The following SLC2A9 variants were observed in gnomAD, a reference collection of about 807,000 sequenced individuals.
SLC2A9 encodes the protein solute carrier family 2 member 9.
In SLC2A9, 39 loss-of-function variants were observed where a neutral mutation model predicts 50.6. That is an observed-to-expected ratio of 0.77 (90% confidence interval 0.60 to 1.01). The LOEUF (loss-of-function observed/expected upper bound fraction) is 1.01. Ranked by LOEUF, SLC2A9 falls within the 50% of genes least tolerant of loss-of-function variation. The pLI is 0.00. For missense variants in SLC2A9, 686 were observed against 677.6 expected (o/e 1.01, Z -0.14); for synonymous variants, 324 against 276.9 (o/e 1.17, Z -1.69).
chr4:9,774,144 C>A (rs1717206267), intron 1 of SLC2A9, among the ~76,000 whole-genome samples: 1 of 152,064 alleles, frequency 6.6e-6, no homozygotes. Flanking sequence ...CAGGTGTCTG[C>A]CACCTCACCC....
downstream of SLC2A9, among the ~76,000 whole-genome samples, chr4:9,798,283 A>G (rs540646576): frequency 4.6e-5 from 7 of 152,340 alleles, no homozygotes; most frequent in African/African-American, 1.4e-4. Flanking sequence ...ACTGGCTCCA[A>G]TCATTAAGCT....
chr4:10,036,286 C>G (rs1447348129), intron 1 of SLC2A9: 1 of 152,142 alleles, frequency 6.6e-6, no homozygotes, highest in Non-Finnish European at 1.5e-5. Context: ...TTCCGTAAAC[C>G]TGAGCCTCAG....
chr4:9,980,754 T>G lies in SLC2A9; in HGVS notation c.536-17A>C. The G allele has an allele frequency of 1.2e-6, 2 of 1,614,162 alleles. No homozygotes were observed. Among genetic ancestry groups the G allele is most frequent in the Non-Finnish European group, 1.7e-6 (2 of 1,180,008 alleles). On this transcript the variant is annotated splice_polypyrimidine_tract_variant and intron_variant, in intron 4 of 11. Coordinates refer to ENST00000264784, the MANE Select transcript of SLC2A9 (RefSeq NM_020041.3). ...GGGCGACGCCTGTAGAGAGAAAGCA[T>G]AGCAGCAGTTAGAGAGGTGTCTTCC...
chr4:9,864,728 A>G (rs1162762404), intron 10 of SLC2A9, among the ~76,000 whole-genome samples: 1 of 152,218 alleles, frequency 6.6e-6, no homozygotes, highest in African/African-American at 2.4e-5. Flanking sequence ...GCCATTTCAT[A>G]TTTCCATTTT....
intron 3 of SLC2A9, among the ~76,000 whole-genome samples, chr4:9,987,770 G>T (rs188408382): frequency 6.6e-6 from 1 of 152,078 alleles, no homozygotes; most frequent in Non-Finnish European, 1.5e-5. Flanking sequence ...AGAGATTGCA[G>T]TGAGCCAAGA....
chr4:9,834,314 C>T (rs1439604340), intron 11 of SLC2A9, among the ~76,000 whole-genome samples: 3 of 152,164 alleles, frequency 2.0e-5, no homozygotes, highest in Admixed American at 1.3e-4. Context: ...TAGAAAAGTG[C>T]CTGGCACACA....
At chr4:10,035,236 C>A (rs1258248958) in intron 1 of SLC2A9, 1 of 152,240 alleles carries the variant, frequency 6.6e-6, no homozygotes, top group Non-Finnish European at 1.5e-5. Context: ...TCACCAAAAT[C>A]CCTGGTCTTT....
At position 9,955,867 on chromosome 4, in the gene SLC2A9, ATTTTTTTT is replaced by A. The variant is rs1170286158; in HGVS notation, c.682-13830_682-13823del. On this transcript the variant is annotated intron_variant, in intron 5 of 11. Coordinates refer to ENST00000264784, the MANE Select transcript of SLC2A9 (RefSeq NM_020041.3). ...TCTGAGGTAGGGCTCAAGCATCTGG[ATTTTTTTT>A]TTTTTTTTTTTTTTTTTTTGAGATG... Among the ~76,000 whole-genome samples, 20 of 61,688 alleles carry A rather than the reference ATTTTTTTT, an allele frequency of 3.2e-4. No homozygotes were observed. In the Admixed American group the frequency reaches 3.4e-3, roughly 11 times the overall value. The allele number at this position is 61,688 out of a possible 152,430, so 40.5% of individuals were successfully genotyped here. A position where few individuals can be genotyped will look rare whatever the true frequency, so the allele number is the denominator to read the frequency against.
At chr4:10,010,441 A>G (rs1013286754) in intron 2 of SLC2A9, among the ~76,000 whole-genome samples, 1 of 152,196 alleles carries the variant, frequency 6.6e-6, no homozygotes, top group Non-Finnish European at 1.5e-5. Context: ...GAGAACCCCC[A>G]AATGTGTTAC....
intron 5 of SLC2A9, among the ~76,000 whole-genome samples, chr4:9,971,803 ATATACAGATGCCTGC>A (rs1382988405): frequency 6.6e-6 from 1 of 152,240 alleles, no homozygotes; most frequent in Non-Finnish European, 1.5e-5. Context: ...GAAGATTCTC[ATATACAGATGCCTGC>A]TGGCAAAAAC....
chr4:9,941,862 T>G (rs1274828868), intron 6 of SLC2A9, 51 bp downstream of exon 6: 21 of 1,611,832 alleles, frequency 1.3e-5, no homozygotes, highest in Non-Finnish European at 1.8e-5. Context: ...TGCCTTGCAG[T>G]GATGATCTAT....
chr4:9,877,762 G>A (rs1370980348), intron 10 of SLC2A9, among the ~76,000 whole-genome samples: 3 of 152,178 alleles, frequency 2.0e-5, no homozygotes, highest in Non-Finnish European at 4.4e-5. Flanking sequence ...ATACAAGTGG[G>A]TGGCTTTGAC....
chr4:9,999,624 G>A (rs548694682), intron 2 of SLC2A9, among the ~76,000 whole-genome samples: 1 of 152,264 alleles, frequency 6.6e-6, no homozygotes, highest in African/African-American at 2.4e-5. Flanking sequence ...TGGGCTGGAT[G>A]AAGTTGGAGG....
chr4:9,861,370 A>G (rs1348187839), intron 10 of SLC2A9, among the ~76,000 whole-genome samples: 1 of 152,082 alleles, frequency 6.6e-6, no homozygotes, highest in African/African-American at 2.4e-5. Context: ...AGGACAGTAC[A>G]GGGGGGATGG....
chr4:9,812,771 C>A (rs1723057746), intron 3 of SLC2A9, among the ~76,000 whole-genome samples: 2 of 152,198 alleles, frequency 1.3e-5, no homozygotes, highest in Non-Finnish European at 2.9e-5. Context: ...ACACTTCCTG[C>A]TGATAATCCA....
chr4:9,981,404 C>T (rs1755861721), intron 4 of SLC2A9, among the ~76,000 whole-genome samples: 1 of 151,590 alleles, frequency 6.6e-6, no homozygotes, highest in Admixed American at 6.6e-5. Context: ...TAGTGGCTAC[C>T]AAGTAACAGG....
At chr4:9,889,217 G>GAA (rs5856025) in intron 9 of SLC2A9, among the ~76,000 whole-genome samples, 140,537 of 152,050 alleles carry the variant, frequency 0.92, 65,207 homozygotes, top group African/African-American at 0.95. Context: ...CCTGAGTCCA[G>GAA]AGCAAGGAGA....
At chr4:9,862,226 T>C (rs1731772063) in intron 10 of SLC2A9, among the ~76,000 whole-genome samples, 1 of 152,068 alleles carries the variant, frequency 6.6e-6, no homozygotes, top group South Asian at 2.1e-4. Flanking sequence ...TGGATGCTTA[T>C]AGGTCTGGAG....
At chr4:10,028,391 C>T (rs1006987161) in intron 1 of SLC2A9, among the ~76,000 whole-genome samples, 22 of 152,160 alleles carry the variant, frequency 1.4e-4, no homozygotes, top group African/African-American at 7.2e-5. Flanking sequence ...CCTGGCTCCT[C>T]GTTTGATTTA....
Sources: allele counts gnomAD v4.1 joint callset (sites outside exome capture counted in the v4.1 genomes callset), GRCh38; gene constraint gnomAD v4.1.1; transcripts MANE v1.5; gene names NCBI Gene and HGNC (gene_info 2026-07-23, HGNC 2026-07-21).